The following COP1 variants were observed in gnomAD, a reference collection of about 807,000 sequenced individuals.
The protein encoded by COP1 is COP1 E3 ubiquitin ligase, also known as E3 ubiquitin-protein ligase COP1.
In COP1, 24 loss-of-function variants were observed where a neutral mutation model predicts 101.3. That is an observed-to-expected ratio of 0.24 (90% CI 0.17 to 0.33). The LOEUF (loss-of-function observed/expected upper bound fraction) is 0.33. Among genes scored for constraint, COP1 ranks in the 10% least tolerant of loss-of-function variants. The pLI is 1.00. For synonymous variants in COP1, 347 were observed against 341.9 expected (o/e 1.01, Z -0.17); for missense variants, 663 against 906.2 (o/e 0.73, Z 3.45).
intron 18 of COP1, among the ~76,000 whole-genome samples, chr1:175,948,270 A>C (rs1472710969): frequency 6.6e-6 from 1 of 152,194 alleles, no homozygotes; most frequent in Non-Finnish European, 1.5e-5. Flanking sequence ...TCCTGTAGGA[A>C]ACTGGGCATC....
intron 15 of COP1, among the ~76,000 whole-genome samples, chr1:176,019,042 T>C (rs182183599): frequency 3.3e-5 from 5 of 152,200 alleles, no homozygotes; most frequent in Admixed American, 2.0e-4. Context: ...GGTACACACC[T>C]GTGGTCCCAG....
intron 9 of COP1, among the ~76,000 whole-genome samples, chr1:176,087,581 C>T (rs571129595): frequency 2.1e-3 from 322 of 152,242 alleles, no homozygotes; most frequent in Non-Finnish European, 3.5e-3. Flanking sequence ...GTTAGAATGG[C>T]AATCATTAAA....
chr1:176,031,705 A>C (rs1267034381), intron 14 of COP1, among the ~76,000 whole-genome samples: 2 of 152,168 alleles, frequency 1.3e-5, no homozygotes, highest in Non-Finnish European at 2.9e-5. Context: ...GTTGGCCATA[A>C]ATTTGTTACT....
At chr1:176,049,881 T>C (rs1178730447) in intron 11 of COP1, among the ~76,000 whole-genome samples, 1 of 152,198 alleles carries the variant, frequency 6.6e-6, no homozygotes, top group Non-Finnish European at 1.5e-5. Flanking sequence ...ACTTCAAAAG[T>C]TAAACAGTGA....
chr1:175,978,184 AT>A (rs1655009398), intron 18 of COP1, among the ~76,000 whole-genome samples: 1 of 152,194 alleles, frequency 6.6e-6, no homozygotes, highest in Non-Finnish European at 1.5e-5. Context: ...ATTGGCATCA[AT>A]TCTATGCTTC....
chr1:176,177,690 T>C (rs1453643281), intron 2 of COP1, among the ~76,000 whole-genome samples: 1 of 152,120 alleles, frequency 6.6e-6, no homozygotes, highest in Admixed American at 6.6e-5. Context: ...TTATTACGTA[T>C]CCAAATTACT....
chr1:176,006,225 T>G (rs1375296049), intron 15 of COP1, among the ~76,000 whole-genome samples: 1 of 152,128 alleles, frequency 6.6e-6, no homozygotes, highest in East Asian at 1.9e-4. Flanking sequence ...ATCCTTTTAT[T>G]TTGAGCCTAT....
intron 9 of COP1, among the ~76,000 whole-genome samples, chr1:176,109,227 G>T (rs1684870764): frequency 6.6e-6 from 1 of 152,068 alleles, no homozygotes; most frequent in African/African-American, 2.4e-5. Flanking sequence ...TTTGTTTGTG[G>T]TGCTTTCTTA....
At chr1:175,965,808 T>G (rs1571277800) in intron 18 of COP1, among the ~76,000 whole-genome samples, 1 of 152,194 alleles carries the variant, frequency 6.6e-6, no homozygotes, top group East Asian at 1.9e-4. Context: ...GGTCTCGAAC[T>G]CCTGACCTCG....
At position 175,971,785 on chromosome 1, in the gene COP1, T is replaced by G. The variant is rs576939841; in HGVS notation, c.2133+15158A>C. On this transcript the variant is annotated intron_variant, in intron 18 of 19. Coordinates refer to ENST00000367669, the MANE Select transcript of COP1 (RefSeq NM_022457.7). ...CAATTAATAATGAGCACTACCAGAATGTTCTAGCCTTTGCTTTTGCTACTG... is the reference window on the plus strand; with the variant it reads ...CAATTAATAATGAGCACTACCAGAAGGTTCTAGCCTTTGCTTTTGCTACTG... 1.3e-3 allele frequency among the ~76,000 whole-genome samples: 194 copies of G among 152,346 alleles called. 3 individuals are homozygous for G. Among genetic ancestry groups the G allele is most frequent in the South Asian group, 5.8e-3 (28 of 4,824 alleles).
intron 9 of COP1, among the ~76,000 whole-genome samples, chr1:176,103,634 G>A (rs908707450): frequency 2.6e-5 from 4 of 152,040 alleles, no homozygotes; most frequent in Non-Finnish European, 5.9e-5. Flanking sequence ...TTCAAATCTT[G>A]GAACATTACA....
intron 9 of COP1, among the ~76,000 whole-genome samples, chr1:176,105,279 A>G (rs1470927973): frequency 1.3e-5 from 2 of 152,222 alleles, no homozygotes. Context: ...GATATATATA[A>G]TAAGGATGGA....
At chr1:176,161,554 T>C (rs989629970) in intron 5 of COP1, among the ~76,000 whole-genome samples, 10 of 152,030 alleles carry the variant, frequency 6.6e-5, no homozygotes, top group African/African-American at 2.2e-4. Flanking sequence ...GCTATGACTG[T>C]ACCACTGCAC....
intron 8 of COP1, among the ~76,000 whole-genome samples, chr1:176,124,795 A>G (rs1687747216): frequency 6.6e-6 from 1 of 152,104 alleles, no homozygotes; most frequent in African/African-American, 2.4e-5. Flanking sequence ...CAGCAGTGGG[A>G]TTGCTGCGTA....
intron 9 of COP1, among the ~76,000 whole-genome samples, chr1:176,091,705 G>C (rs139123395): frequency 6.6e-6 from 1 of 151,866 alleles, no homozygotes; most frequent in Non-Finnish European, 1.5e-5. Flanking sequence ...GGTAACAATC[G>C]AACCAGAAGA....
chr1:176,157,608 C>T (rs184018268), intron 5 of COP1, among the ~76,000 whole-genome samples: 233 of 152,274 alleles, frequency 1.5e-3, no homozygotes, highest in Middle Eastern at 0.014. Flanking sequence ...CTGCTCTGCT[C>T]CTCCCTATCA....
chr1:176,005,785 G>A (rs1268222554), intron 15 of COP1, among the ~76,000 whole-genome samples: 6 of 151,902 alleles, frequency 3.9e-5, no homozygotes, highest in African/African-American at 1.5e-4. Flanking sequence ...GGTCAATTTT[G>A]GAATAGGTGT....
At chr1:176,117,985 A>C (rs922183642) in intron 8 of COP1, among the ~76,000 whole-genome samples, 3 of 152,234 alleles carry the variant, frequency 2.0e-5, no homozygotes, top group Non-Finnish European at 4.4e-5. Flanking sequence ...ATTACTAATT[A>C]GAATGGTTCT....
At chr1:176,037,176 G>A (rs1669703481) in intron 14 of COP1, among the ~76,000 whole-genome samples, 2 of 152,144 alleles carry the variant, frequency 1.3e-5, no homozygotes, top group African/African-American at 2.4e-5. Context: ...GCCGAGGCAG[G>A]CGGATCACGA....
Sources: allele counts gnomAD v4.1 joint callset (sites outside exome capture counted in the v4.1 genomes callset), GRCh38; gene constraint gnomAD v4.1.1; transcripts MANE v1.5; gene names NCBI Gene and HGNC (gene_info 2026-07-23, HGNC 2026-07-21).